SEC63: variants seen among roughly 807,000 people sequenced by gnomAD.
SEC63 encodes SEC63 protein translocation regulator, also known as translocation protein SEC63 homolog.
In SEC63, 56 loss-of-function variants were observed where a neutral mutation model predicts 116.2. The ratio of observed to expected loss-of-function variants is 0.48; its 90% CI spans 0.39 to 0.60. SEC63 has a LOEUF of 0.60. Ranked by LOEUF, SEC63 falls within the 20% of genes least tolerant of loss-of-function variation. SEC63 has a pLI of 0.00. For missense variants in SEC63, 668 were observed against 900.0 expected (o/e 0.74, Z 3.30); for synonymous variants, 273 against 294.6 (o/e 0.93, Z 0.75).
chr6:107,909,062 A>G, intron 7 of SEC63, 27 bp from the exon 8 acceptor site: 1 of 1,507,826 alleles, frequency 6.6e-7, no homozygotes, highest in Non-Finnish European at 9.2e-7. Context: ...ATTAAACAAG[A>G]AAGAAAGTAT....
intron 1 of SEC63, among the ~76,000 whole-genome samples, chr6:107,935,371 T>C (rs962572245): frequency 2.0e-5 from 3 of 151,264 alleles, no homozygotes; most frequent in Admixed American, 6.6e-5. Flanking sequence ...GGGGAAAAGA[T>C]TGGGAAATCG....
chr6:107,887,027 T>C (rs1013339721), intron 16 of SEC63, among the ~76,000 whole-genome samples: 2 of 152,214 alleles, frequency 1.3e-5, no homozygotes, highest in Non-Finnish European at 2.9e-5. Flanking sequence ...GTCTTAAGTC[T>C]TTAGTCCACC....
Position 107,901,469 on chromosome 6 carries a change from G to C in SEC63, c.1258C>G (p.Arg420Gly). 1 of 1,608,394 alleles carries C rather than the reference G, an allele frequency of 6.2e-7. No individual in the cohort carries two copies. Among genetic ancestry groups the C allele is most frequent in the Non-Finnish European group, 8.5e-7 (1 of 1,175,408 alleles). The change falls in exon 13 of 21, where the codon CGT (arginine) becomes GGT (glycine). Residue 420 changes from arginine (R) to glycine (G), a missense_variant. Arg to Gly is a moderately radical substitution (Grantham distance 125, BLOSUM62 -2). This residue lies in a region of SEC63 where 430 missense variants were observed against 557.5 expected (regional missense o/e 0.77). Coordinates refer to ENST00000369002, the MANE Select transcript of SEC63 (RefSeq NM_007214.5). The stretch of plus-strand genomic sequence containing the variant: ...TCAAGGAAGTGCAGTAGAGTGTGAC[G>C]ATCTGATTCTTTTAAACTCACCAAA... ...QDLVSLKESD[R>G]HTLLHFLEDE...
chr6:107,950,420 G>A (rs572248346), intron 1 of SEC63, among the ~76,000 whole-genome samples: 17 of 152,218 alleles, frequency 1.1e-4, no homozygotes, highest in African/African-American at 4.1e-4. Flanking sequence ...AAACCAACTA[G>A]ATCTAACAGA....
chr6:107,914,256 C>T (rs1215061827), intron 4 of SEC63, among the ~76,000 whole-genome samples: 1 of 152,090 alleles, frequency 6.6e-6, no homozygotes, highest in African/African-American at 2.4e-5. Context: ...ACCCCACCAA[C>T]ACACACGCTC....
At chr6:107,921,453 CTTTT>C (rs34843868) in intron 4 of SEC63, among the ~76,000 whole-genome samples, 2 of 145,452 alleles carry the variant, frequency 1.4e-5, no homozygotes, top group South Asian at 4.4e-4. Flanking sequence ...GAAAACTATC[CTTTT>C]TTTTTTTTTC....
At chr6:107,930,568 T>C (rs549576667) in intron 1 of SEC63, among the ~76,000 whole-genome samples, 236 of 149,644 alleles carry the variant, frequency 1.6e-3, no homozygotes, top group African/African-American at 5.5e-3. Context: ...GATCATGCCA[T>C]TGCACTCCAG....
chr6:107,877,375 C>G (rs1028864546), intron 18 of SEC63: 2 of 152,122 alleles, frequency 1.3e-5, no homozygotes, highest in African/African-American at 4.8e-5. Flanking sequence ...TCTAAACTCT[C>G]AATTGTCCGA....
intron 16 of SEC63, among the ~76,000 whole-genome samples, chr6:107,892,096 C>T (rs1182191679): frequency 1.3e-5 from 2 of 152,206 alleles, no homozygotes; most frequent in Non-Finnish European, 2.9e-5. Flanking sequence ...AGATCTGCTG[C>T]TGTCTTCAGA....
chr6:107,947,172 C>T (rs991480779), intron 1 of SEC63, among the ~76,000 whole-genome samples: 3 of 152,154 alleles, frequency 2.0e-5, no homozygotes, highest in Admixed American at 6.5e-5. Context: ...TGATGGCGCA[C>T]CTGTAGTCCC....
chr6:107,892,274 A>G (rs1443990291), intron 16 of SEC63, among the ~76,000 whole-genome samples: 1 of 152,066 alleles, frequency 6.6e-6, no homozygotes, highest in African/African-American at 2.4e-5. Flanking sequence ...TGGCCGCAGT[A>G]GCCTTGCTGA....
At chr6:107,903,385 C>G (rs1439901697) in intron 11 of SEC63, among the ~76,000 whole-genome samples, 2 of 151,924 alleles carry the variant, frequency 1.3e-5, no homozygotes, top group East Asian at 1.9e-4. Flanking sequence ...TCATTCTTTT[C>G]CTTCCATACC....
At chr6:107,876,889 A>T in intron 18 of SEC63, 1 of 497,314 alleles carries the variant, frequency 2.0e-6, no homozygotes, top group Non-Finnish European at 3.6e-6. Flanking sequence ...GGATTTCAAT[A>T]GCTCCTTAAA....
Position 107,883,023 on chromosome 6 carries a change from C to T in SEC63, c.1798G>A (p.Glu600Lys), listed in dbSNP as rs1214082927. ...TCTTTGTTTTGTTTTTCATCTTGCT[C>T]TCTATCAGAGTCTCTGTCACTACCA... ...DDGSDRDSDR[E>K]QDEKQNKDDE... The change falls in exon 17 of 21, where the codon GAG (glutamate) becomes AAG (lysine). Residue 600 changes from glutamate (E) to lysine (K), a missense_variant. Physicochemically the swap from Glu to Lys is moderately conservative, Grantham distance 56 (BLOSUM62 1). Coordinates refer to ENST00000369002, the MANE Select transcript of SEC63 (RefSeq NM_007214.5). 1 of 1,612,098 alleles carries T rather than the reference C, an allele frequency of 6.2e-7. No homozygotes were observed. The highest frequency in any genetic ancestry group is 8.5e-7 in the Non-Finnish European group (1 of 1,179,074).
chr6:107,937,211 C>T (rs2114500739), intron 1 of SEC63, among the ~76,000 whole-genome samples: 1 of 151,756 alleles, frequency 6.6e-6, no homozygotes, highest in South Asian at 2.1e-4. Flanking sequence ...CAACCTCCAC[C>T]TCCCGGGTTC....
chr6:107,943,569 G>C (rs1237250298), intron 1 of SEC63, among the ~76,000 whole-genome samples: 1 of 152,166 alleles, frequency 6.6e-6, no homozygotes, highest in Admixed American at 6.5e-5. Flanking sequence ...TGTTGTTGAA[G>C]GGTTCTTTTG....
rs761269082 is a variant in SEC63 at position 107,938,319 on chromosome 6, C to T, written c.125-8805G>A. The stretch of plus-strand genomic sequence containing the variant: ...TAGATAGACTACAGTGGTGCCATCA[C>T]GGTTCACTGCATCCTCAACCTTCCA... On this transcript the variant is annotated intron_variant, in intron 1 of 20. Coordinates refer to ENST00000369002, the MANE Select transcript of SEC63 (RefSeq NM_007214.5). Among the ~76,000 whole-genome samples, 55 of 144,964 alleles carry T rather than the reference C, an allele frequency of 3.8e-4. No individual in the cohort carries two copies. In the East Asian group the frequency reaches 5.2e-3, roughly 14 times the overall value.
At chr6:107,945,516 G>C (rs2114512334) in intron 1 of SEC63, among the ~76,000 whole-genome samples, 1 of 151,970 alleles carries the variant, frequency 6.6e-6, no homozygotes, top group Admixed American at 6.5e-5. Flanking sequence ...ATGTTGGCCA[G>C]GATGGTCTCG....
chr6:107,903,830 T>C (rs1416966859), intron 11 of SEC63, among the ~76,000 whole-genome samples: 3 of 152,098 alleles, frequency 2.0e-5, no homozygotes, highest in Non-Finnish European at 4.4e-5. Flanking sequence ...TTGCAAACAA[T>C]TGAACAATAA....
Sources: allele counts gnomAD v4.1 joint callset (sites outside exome capture counted in the v4.1 genomes callset), GRCh38; gene constraint gnomAD v4.1.1; regional missense constraint gnomAD v4.1.1; transcripts MANE v1.5; gene names NCBI Gene and HGNC (gene_info 2026-07-23, HGNC 2026-07-21).